The following PUDP variants were observed in gnomAD, a reference collection of about 807,000 sequenced individuals.
PUDP encodes pseudouridine 5'-phosphatase.
In PUDP, 8 loss-of-function variants were observed where a neutral mutation model predicts 9.4. The observed-to-expected ratio is 0.85, with a 90% CI of 0.50 to 1.53. The LOEUF is 1.53. Among genes scored for constraint, PUDP ranks in the 40% most tolerant of loss-of-function variants. PUDP has a pLI of 0.00. For missense variants in PUDP, 188 were observed against 189.7 expected, an observed-to-expected ratio of 0.99 and a Z score of 0.05; for synonymous variants, 99 against 80.7, an observed-to-expected ratio of 1.23 and a Z score of -1.22.
chrX:6,811,623 CT>C (rs35328260), intron 3 of PUDP, among the ~76,000 whole-genome samples: 50,168 of 100,018 alleles, frequency 0.5, 10,736 homozygotes, highest in East Asian at 0.73. Context: ...CACGCCTGGC[CT>C]TTTTTTTTTT....
intron 3 of PUDP, among the ~76,000 whole-genome samples, chrX:6,857,399 C>A (rs1030672919): frequency 8.9e-6 from 1 of 112,248 alleles, no homozygotes; most frequent in Non-Finnish European, 1.9e-5. Flanking sequence ...TTTAAATGCA[C>A]CTGTTAAATA....
At chrX:7,032,513 T>C (rs1466005217) in intron 1 of PUDP, among the ~76,000 whole-genome samples, 1 of 112,611 alleles carries the variant, frequency 8.9e-6, no homozygotes, top group African/African-American at 3.2e-5. Flanking sequence ...CATATTCATA[T>C]AATGACATAC....
chrX:6,993,310 TTGA>T (rs1213773575), intron 1 of PUDP, among the ~76,000 whole-genome samples: 1 of 111,792 alleles, frequency 8.9e-6, no homozygotes, highest in Non-Finnish European at 1.9e-5. Flanking sequence ...GGAGCTGGAG[TTGA>T]TGGTCTCTAG....
chrX:7,117,996 T>G (rs1251065112), intron 1 of PUDP, among the ~76,000 whole-genome samples: 1 of 113,211 alleles, frequency 8.8e-6, no homozygotes, highest in Non-Finnish European at 1.9e-5. Flanking sequence ...GCCTACAGAA[T>G]TGTGAGCCAT....
intron 2 of PUDP, among the ~76,000 whole-genome samples, chrX:7,096,253 A>G (rs554553743): frequency 3.6e-5 from 4 of 112,027 alleles, no homozygotes; most frequent in African/African-American, 1.3e-4. Context: ...CTGTCCCATT[A>G]ATCTATAGGT....
At chrX:6,752,630 T>A (rs1039290390) in intron 3 of PUDP, among the ~76,000 whole-genome samples, 3 of 111,219 alleles carry the variant, frequency 2.7e-5, no homozygotes, top group Non-Finnish European at 5.7e-5. Context: ...CAGAGTGACG[T>A]CAGGAAGGCA....
chrX:7,068,751 G>C (rs927271759), intron 3 of PUDP, among the ~76,000 whole-genome samples: 6 of 111,998 alleles, frequency 5.4e-5, no homozygotes, highest in Admixed American at 4.7e-4. Context: ...AGTGTTGGCC[G>C]TGTTTTCAGA....
At chrX:7,108,822 G>C (rs1323788191) in intron 1 of PUDP, among the ~76,000 whole-genome samples, 1 of 111,838 alleles carries the variant, frequency 8.9e-6, no homozygotes, top group Non-Finnish European at 1.9e-5. Flanking sequence ...CCCAGTGTTG[G>C]GATTAAGGCA....
chrX:7,034,617 T>C lies in PUDP; in HGVS notation c.204+42603A>G, dbSNP rs1176479074. 3.6e-5 allele frequency among the ~76,000 whole-genome samples: 4 copies of C among 112,137 alleles called. No homozygotes were observed. The South Asian group carries it at 1.5e-3, about 42-fold the overall frequency. On this transcript the variant is annotated intron_variant and NMD_transcript_variant, in intron 1 of 3. Coordinates refer to the PUDP transcript ENST00000655425. ...ATCCATGCATCTATGTATGTATGTA[T>C]ATATGTATGTATCTATCTTCATCAT...
chrX:7,140,566 T>A (rs1010541617), intron 1 of PUDP, among the ~76,000 whole-genome samples: 19 of 109,513 alleles, frequency 1.7e-4, no homozygotes, highest in African/African-American at 6.3e-4. Context: ...TATAGCAGTT[T>A]AAAAAAAAAG....
chrX:7,050,320 C>T lies in PUDP; in HGVS notation c.663G>A (p.Leu221=). ...CTCACTCATAGGAGGGCAAACCAAA[C>T]AGCTCGGGCTGGAAGTCCTGCAGGG... is the stretch of plus-strand genomic sequence containing the variant. The part of the protein sequence containing the change: ...LNSLQDFQPE[L]FGLPSYE Residue 221 remains leucine, a synonymous_variant, in exon 4 of 4, where the codon CTG becomes CTA. Coordinates refer to ENST00000381077, the MANE Select transcript of PUDP (RefSeq NM_012080.5). 3.3e-6 allele frequency: 4 copies of T among 1,211,121 alleles called. No individual in the cohort carries two copies. The highest frequency in any genetic ancestry group is 3.5e-5 in the South Asian group (2 of 56,858).
chrX:6,793,667 T>A (rs1027069962), intron 3 of PUDP, among the ~76,000 whole-genome samples: 1 of 111,369 alleles, frequency 9.0e-6, no homozygotes, highest in Non-Finnish European at 1.9e-5. Flanking sequence ...AGGACCACCA[T>A]CTACAGTAGA....
chrX:7,110,062 G>A (rs895667298), intron 1 of PUDP, among the ~76,000 whole-genome samples: 19 of 112,359 alleles, frequency 1.7e-4, no homozygotes, highest in Non-Finnish European at 3.0e-4. Context: ...GGGAGAGCCT[G>A]GCAGGGAGGT....
chrX:6,910,208 G>A (rs572512283), intron 3 of PUDP, among the ~76,000 whole-genome samples: 4 of 112,238 alleles, frequency 3.6e-5, no homozygotes, highest in African/African-American at 1.3e-4. Flanking sequence ...GCCCCAGGGA[G>A]CAGAACCTTA....
At chrX:6,845,806 C>T (rs749697984) in intron 3 of PUDP, among the ~76,000 whole-genome samples, 14 of 112,012 alleles carry the variant, frequency 1.2e-4, no homozygotes, top group African/African-American at 4.2e-4. Flanking sequence ...ATGAAAACTA[C>T]GAGAAATACT....
chrX:6,999,296 G>A (rs1048493628), intron 1 of PUDP, among the ~76,000 whole-genome samples: 1 of 111,572 alleles, frequency 9.0e-6, no homozygotes, highest in Non-Finnish European at 1.9e-5. Context: ...ATAGCCATAC[G>A]TAAGCACATA....
At chrX:6,741,116 A>G (rs145484759) in intron 3 of PUDP, among the ~76,000 whole-genome samples, 5,240 of 105,757 alleles carry the variant, frequency 0.05, 163 homozygotes, top group African/African-American at 0.081. Flanking sequence ...CCAAGATCGC[A>G]CCACTGCACT....
At chrX:6,804,098 A>G (rs760788770) in intron 3 of PUDP, among the ~76,000 whole-genome samples, 2 of 111,866 alleles carry the variant, frequency 1.8e-5, no homozygotes, top group African/African-American at 3.3e-5. Context: ...AAAGGCTCCA[A>G]AATTAATGGC....
chrX:6,949,963 C>T (rs934003190), intron 3 of PUDP, among the ~76,000 whole-genome samples: 15 of 111,481 alleles, frequency 1.3e-4, no homozygotes, highest in Admixed American at 6.7e-4. Flanking sequence ...AAGCTACCCT[C>T]AATTCCTGGC....
Sources: gnomAD v4.1 joint callset for allele counts (sites outside exome capture counted in the v4.1 genomes callset) on GRCh38, gnomAD v4.1.1 for gene constraint, MANE v1.5 for transcripts, NCBI Gene and HGNC (gene_info 2026-07-23, HGNC 2026-07-21) for gene names.